Variants in FGFR1OP2 observed in about 807,000 individuals in gnomAD.
FGFR1OP2 encodes the protein fibroblast growth factor receptor 1 oncogene partner 2.
In FGFR1OP2, 17 loss-of-function variants were observed where a neutral mutation model predicts 35.2. The ratio of observed to expected loss-of-function variants is 0.48; its 90% CI spans 0.33 to 0.73. FGFR1OP2 has a LOEUF of 0.73. FGFR1OP2 is among the 30% of genes least tolerant of loss of function. FGFR1OP2 has a pLI of 0.02. For missense variants in FGFR1OP2, 251 were observed against 307.3 expected (o/e 0.82, Z 1.37); for synonymous variants, 105 against 104.6 (o/e 1.00, Z -0.03).
At chr12:26,946,980 C>T (rs555268400) in intron 1 of FGFR1OP2, among the ~76,000 whole-genome samples, 1 of 151,858 alleles carries the variant, frequency 6.6e-6, no homozygotes, top group African/African-American at 2.4e-5. Context: ...CAGTTTTCAT[C>T]CATGTTGTAG....
chr12:26,949,803 C>T (rs759873900), intron 1 of FGFR1OP2, among the ~76,000 whole-genome samples: 1 of 152,122 alleles, frequency 6.6e-6, no homozygotes, highest in Non-Finnish European at 1.5e-5. Flanking sequence ...TGGTCTCGAA[C>T]TCCTGACCTC....
At chr12:26,942,339 A>T (rs1938749454) in intron 1 of FGFR1OP2, among the ~76,000 whole-genome samples, 1 of 152,196 alleles carries the variant, frequency 6.6e-6, no homozygotes, top group Non-Finnish European at 1.5e-5. Flanking sequence ...TAGATTTGGA[A>T]TTCCTGGGTC....
intron 1 of FGFR1OP2, among the ~76,000 whole-genome samples, chr12:26,942,359 A>G (rs1348117080): frequency 6.6e-6 from 1 of 152,174 alleles, no homozygotes; most frequent in Admixed American, 6.5e-5. Flanking sequence ...CTATTTTCTC[A>G]TTGGTAAAGT....
rs1299435358 is a variant in FGFR1OP2, at chr12:26,957,758, A to G, written c.396+15A>G. ...AGCACTCCAAGGTAATCCATTCTAT[A>G]AATGTGACCTGAAATGGAAAAGAGA... On this transcript the variant is annotated intron_variant, in intron 4 of 6. Transcript: ENST00000229395. 5.7e-6 allele frequency: 9 copies of G among 1,581,902 alleles called. No individual in the cohort carries two copies.
intron 1 of FGFR1OP2, among the ~76,000 whole-genome samples, chr12:26,944,506 A>G (rs1165048907): frequency 6.6e-6 from 1 of 152,256 alleles, no homozygotes; most frequent in African/African-American, 2.4e-5. Flanking sequence ...TGGTATGCAT[A>G]AGTGATTTTC....
chr12:26,941,770 A>T lies in FGFR1OP2; in HGVS notation c.-15+3060A>T, dbSNP rs1003429646. Among the ~76,000 whole-genome samples, 10 of 152,216 alleles carry T rather than the reference A, an allele frequency of 6.6e-5. No individual in the cohort carries two copies. In the East Asian group the frequency reaches 1.2e-3, roughly 18 times the overall value. Reference sequence around the variant, plus strand: ...TTCTTTAAAATCTGTCTTCATATACATTCCCATTTCTTTTCTATGGCTGGC... The same window carrying T: ...TTCTTTAAAATCTGTCTTCATATACTTTCCCATTTCTTTTCTATGGCTGGC... On this transcript the variant is annotated intron_variant, in intron 1 of 6. Transcript: ENST00000229395.
chr12:26,954,105 T>C (rs1938980878), intron 1 of FGFR1OP2, 40 bp from the exon 2 acceptor site: 2 of 1,409,862 alleles, frequency 1.4e-6, no homozygotes, highest in Non-Finnish European at 1.9e-6. Context: ...AAGAGATATG[T>C]TGACTTTATT....
At chr12:26,947,953 T>G (rs1158316938) in intron 1 of FGFR1OP2, among the ~76,000 whole-genome samples, 1 of 152,168 alleles carries the variant, frequency 6.6e-6, no homozygotes, top group East Asian at 1.9e-4. Context: ...TCATTTCAAT[T>G]AATCTATTGT....
chr12:26,945,565 G>A (rs567216738), intron 1 of FGFR1OP2, among the ~76,000 whole-genome samples: 1 of 152,212 alleles, frequency 6.6e-6, no homozygotes, highest in African/African-American at 2.4e-5. Flanking sequence ...TAATCAGAGA[G>A]CATAATTTGT....
chr12:26,960,654 TG>T, intron 5 of FGFR1OP2, 26 bp downstream of exon 5: 1 of 1,597,160 alleles, frequency 6.3e-7, no homozygotes, highest in Non-Finnish European at 8.6e-7. Flanking sequence ...AGTCAACTTT[TG>T]GGGTGTGGAT....
rs779197401 is a variant in FGFR1OP2, at chr12:26,964,675, A to C, written c.704A>C (p.Glu235Ala). The stretch of plus-strand genomic sequence containing the variant: ...AACCTAAGGAAAGATGATGCGTCGG[A>C]AAGTACTTCTTTGTCAGCATTAGTG... ...FLNLRKDDASESTSLSALVTN... is the reference protein window; with the variant it reads ...FLNLRKDDASASTSLSALVTN... Residue 235 changes from glutamate to alanine, a missense_variant, in exon 7 of 7, where the codon GAA (glutamate) becomes GCA (alanine). Transcript: ENST00000229395. 6.2e-7 allele frequency: 1 copy of C among 1,612,464 alleles called. No individual in the cohort carries two copies. The highest frequency in any genetic ancestry group is 1.1e-5 in the South Asian group (1 of 90,996).
At chr12:26,963,148 T>A (rs1006546651) in intron 5 of FGFR1OP2, 194 bp from the exon 6 acceptor site, 2 of 452,672 alleles carry the variant, frequency 4.4e-6, no homozygotes, top group Admixed American at 7.8e-5. Context: ...TATTCTTAAT[T>A]CTAGTCCTAA....
chr12:26,957,787 G>A (rs373908540), intron 4 of FGFR1OP2, 44 bp downstream of exon 4: 26 of 1,514,368 alleles, frequency 1.7e-5, no homozygotes, highest in Non-Finnish European at 2.1e-5. Context: ...AAAGAGAGAC[G>A]ATTGATTATT....
rs977730652 is a variant in FGFR1OP2, at chr12:26,938,515, C to T, written c.-210C>T. ...CGGAGGCGGTCGGCGGAGGTGTCTA[C>T]CCCGCCGGTGATGGCGTTGAACGCC... On this transcript the variant is annotated 5_prime_UTR_variant, in exon 1 of 7. Coordinates refer to ENST00000229395, the MANE Select transcript of FGFR1OP2 (RefSeq NM_015633.3). 6.6e-6 allele frequency: 1 copy of T among 151,946 alleles called. No individual in the cohort carries two copies. The highest frequency in any genetic ancestry group is 1.5e-5 in the Non-Finnish European group (1 of 67,880). The allele number at this position is 151,946 out of a possible 1,614,324, so 9.4% of individuals were successfully genotyped here.
rs1939129023 is a variant in FGFR1OP2 at position 26,963,173 on chromosome 12, A to G, written c.511-169A>G. The G allele has an allele frequency of 2.2e-5, 10 of 460,378 alleles. No homozygotes were observed. The East Asian group carries it at 2.7e-4, about 12-fold the overall frequency. The allele number at this position is 460,378 out of a possible 1,614,324, so 28.5% of individuals were successfully genotyped here. ...TCTAGTCCTAACAAATTTGATTTCA[A>G]AAGCACATCTGTGGTCAACCAACTT... On this transcript the variant is annotated intron_variant, in intron 5 of 6. Transcript: ENST00000229395.
intron 4 of FGFR1OP2, 90 bp from the exon 5 acceptor site, chr12:26,960,425 C>A (rs1319746921): frequency 2.7e-6 from 2 of 748,416 alleles, no homozygotes; most frequent in African/African-American, 1.8e-5. Flanking sequence ...ACATTTCAAA[C>A]AGTTGGCTAA....
Position 26,948,196 on chromosome 12 carries a change from T to C in FGFR1OP2, c.-14-5949T>C, listed in dbSNP as rs543981970. On this transcript the variant is annotated intron_variant, in intron 1 of 6. Transcript: ENST00000229395. ...TGTTATAATTCTTGTTTTTAAACAT[T>C]AGACATTTAAAAGAACTAAGAGGAA... 1.3e-5 allele frequency among the ~76,000 whole-genome samples: 2 copies of C among 152,344 alleles called. 1 individual carries two copies. Among genetic ancestry groups the C allele is most frequent in the South Asian group, 4.1e-4 (2 of 4,830 alleles).
intron 1 of FGFR1OP2, among the ~76,000 whole-genome samples, chr12:26,941,897 T>C (rs1370858581): frequency 6.6e-6 from 1 of 152,232 alleles, no homozygotes; most frequent in Non-Finnish European, 1.5e-5. Flanking sequence ...ATTATTTCTA[T>C]ACAGGTAAAA....
intron 1 of FGFR1OP2, among the ~76,000 whole-genome samples, chr12:26,943,300 C>G (rs10842816): frequency 0.076 from 11,574 of 152,246 alleles, 551 homozygotes; most frequent in East Asian, 0.14. Context: ...TCTATCAGCT[C>G]TATGCCACCT....
Sources: allele counts gnomAD v4.1 joint callset (sites outside exome capture counted in the v4.1 genomes callset), GRCh38; gene constraint gnomAD v4.1.1; transcripts MANE v1.5; gene names NCBI Gene and HGNC (gene_info 2026-07-23, HGNC 2026-07-21).